BFSP1: variants seen among roughly 807,000 people sequenced by gnomAD.
BFSP1 encodes the protein beaded filament structural protein 1, also known as filensin.
BFSP1 carries 38 observed loss-of-function variants against 43.9 expected under a neutral mutation model. The observed-to-expected ratio is 0.87, with a 90% CI of 0.67 to 1.14. The LOEUF (loss-of-function observed/expected upper bound fraction) is 1.14. BFSP1 is among the 50% of genes most tolerant of loss of function. The pLI, the probability that BFSP1 is intolerant of heterozygous loss-of-function variation, is 0.00. For missense variants in BFSP1, 850 were observed against 875.1 expected (o/e 0.97, Z 0.36); for synonymous variants, 352 against 354.8 (o/e 0.99, Z 0.09).
intron 1 of BFSP1, among the ~76,000 whole-genome samples, chr20:17,566,117 CAAAAAAA>C (rs34133165): frequency 1.1e-5 from 1 of 88,352 alleles, no homozygotes. Context: ...GACTCCGTCT[CAAAAAAA>C]AAAAAAAAAA....
chr20:17,558,754 G>GTGCTGCC, exon 1 of BFSP1: 2 of 1,548,618 alleles, frequency 1.3e-6, no homozygotes, highest in Admixed American at 4.0e-5. Context: ...CATCCAAGGT[G>GTGCTGCC]TGCTGCCTGC....
At chr20:17,511,805 C>T (rs1395676124) in intron 4 of BFSP1, among the ~76,000 whole-genome samples, 171 bp downstream of exon 4, 1 of 152,202 alleles carries the variant, frequency 6.6e-6, no homozygotes, top group Non-Finnish European at 1.5e-5. Context: ...TTGGCATTTA[C>T]AGTACAAGTA....
intron 5 of BFSP1, among the ~76,000 whole-genome samples, chr20:17,506,261 G>A (rs2033934578): frequency 6.6e-6 from 1 of 152,086 alleles, no homozygotes; most frequent in African/African-American, 2.4e-5. Context: ...TCTGGACAAG[G>A]GCCCAGGCTG....
At chr20:17,534,173 A>C (rs1292687217), upstream of BFSP1, among the ~76,000 whole-genome samples, 1 of 152,244 alleles carries the variant, frequency 6.6e-6, no homozygotes, top group East Asian at 1.9e-4. Flanking sequence ...TTGTTAATTC[A>C]AGAGACATGT....
Position 17,530,978 on chromosome 20 carries a change from G to A in BFSP1, c.352C>T (p.Arg118Cys). The change falls in exon 1 of 8, where the codon CGC (arginine) becomes TGC (cysteine). Residue 118 changes from arginine to cysteine, a missense_variant. Transcript: ENST00000377873. ...RLERQGTEAQ[R>C]ALDEFRSKYE... ...TTGCTTCGGAACTCGTCGAGCGCGC[G>A]CTGCGCCTCGGTGCCCTGGCGCTCC... The A allele has an allele frequency of 7.0e-7, 1 of 1,438,094 alleles. No individual in the cohort carries two copies. The highest frequency in any genetic ancestry group is 9.1e-7 in the Non-Finnish European group (1 of 1,099,458). The allele number at this position is 1,438,094 out of a possible 1,614,324, so 89.1% of individuals were successfully genotyped here.
At chr20:17,504,905 G>GT (rs766774406) in intron 5 of BFSP1, among the ~76,000 whole-genome samples, 57 of 125,626 alleles carry the variant, frequency 4.5e-4, no homozygotes, top group Middle Eastern at 5.2e-3. Flanking sequence ...TAGGTGTAAG[G>GT]TTTTTTTTTT....
chr20:17,538,136 GAA>G lies in BFSP1; in HGVS notation c.3-13230_3-13229del, dbSNP rs747087688. On this transcript the variant is annotated intron_variant, in intron 1 of 7. Transcript: ENST00000377868. ...ACTGTGTCTCAAAAGAAAAAAAAAA[GAA>G]AGAGAGAAAGGAAAGGAAAGGAAAG... is the stretch of plus-strand genomic sequence containing the variant. Among the ~76,000 whole-genome samples the G allele has an allele frequency of 8.0e-3, 1,182 of 147,652 alleles. 7 individuals are homozygous for G. Among genetic ancestry groups the G allele is most frequent in the South Asian group, 0.017 (81 of 4,682 alleles).
At chr20:17,534,551 T>A (rs550408066), upstream of BFSP1, among the ~76,000 whole-genome samples, 2 of 152,338 alleles carry the variant, frequency 1.3e-5, no homozygotes, top group East Asian at 3.9e-4. Context: ...ATAACCTGAA[T>A]ATGTAGCCTA....
intron 1 of BFSP1, among the ~76,000 whole-genome samples, chr20:17,539,887 T>A (rs1411571724): frequency 6.6e-6 from 1 of 152,218 alleles, no homozygotes; most frequent in Non-Finnish European, 1.5e-5. Context: ...GAACATGTTC[T>A]ATCTTCCAAA....
At chr20:17,545,167 G>C (rs2034779393) in intron 1 of BFSP1, among the ~76,000 whole-genome samples, 2 of 152,212 alleles carry the variant, frequency 1.3e-5, no homozygotes, top group African/African-American at 4.8e-5. Flanking sequence ...GAGAAAAAGA[G>C]AATTGCCTGA....
At chr20:17,534,101 AG>A (rs1324225765), upstream of BFSP1, among the ~76,000 whole-genome samples, 2 of 152,278 alleles carry the variant, frequency 1.3e-5, no homozygotes, top group Non-Finnish European at 2.9e-5. Context: ...TATCACTGAT[AG>A]GAGACCATTC....
intron 1 of BFSP1, among the ~76,000 whole-genome samples, chr20:17,529,064 AGTGTGTGTGT>A (rs11473581): frequency 6.8e-6 from 1 of 147,098 alleles, no homozygotes; most frequent in Non-Finnish European, 1.5e-5. Flanking sequence ...TGGTTAAATA[AGTGTGTGTGT>A]GTGTGTGTGT....
intron 1 of BFSP1, among the ~76,000 whole-genome samples, chr20:17,536,396 T>C (rs2123550322): frequency 6.6e-6 from 1 of 152,150 alleles, no homozygotes; most frequent in South Asian, 2.1e-4. Context: ...ACAAAAAATA[T>C]AGGCACATGC....
chr20:17,536,500 C>G (rs1440123733), intron 1 of BFSP1, among the ~76,000 whole-genome samples: 3 of 151,976 alleles, frequency 2.0e-5, no homozygotes, highest in Non-Finnish European at 4.4e-5. Flanking sequence ...CCACTGCACT[C>G]CAGTCTAGGT....
intron 1 of BFSP1, among the ~76,000 whole-genome samples, chr20:17,564,991 G>C (rs1174166550): frequency 1.3e-5 from 2 of 150,872 alleles, no homozygotes; most frequent in African/African-American, 4.9e-5. Context: ...GAGTGCAGTG[G>C]TGTGATCTTG....
At chr20:17,515,649 G>A (rs1568693502) in intron 2 of BFSP1, among the ~76,000 whole-genome samples, 1 of 152,198 alleles carries the variant, frequency 6.6e-6, no homozygotes, top group Non-Finnish European at 1.5e-5. Flanking sequence ...TAATAAGATT[G>A]TGCTATGATG....
intron 5 of BFSP1, among the ~76,000 whole-genome samples, chr20:17,503,539 A>G (rs2033855527): frequency 6.6e-6 from 1 of 152,168 alleles, no homozygotes; most frequent in African/African-American, 2.4e-5. Flanking sequence ...CAACCTTATC[A>G]GGGAAGGGCT....
At chr20:17,517,419 G>A in intron 2 of BFSP1, 1 of 688,566 alleles carries the variant, frequency 1.5e-6, no homozygotes, top group Non-Finnish European at 2.6e-6. Flanking sequence ...AAGTAGCTGG[G>A]ACTACAGGTG....
At chr20:17,518,985 CG>C (rs1283691381) in intron 2 of BFSP1, among the ~76,000 whole-genome samples, 1 of 152,150 alleles carries the variant, frequency 6.6e-6, no homozygotes, top group African/African-American at 2.4e-5. Context: ...TTCTCAGCCC[CG>C]GGGATGGGAC....
Sources: gnomAD v4.1 joint callset for allele counts (sites outside exome capture counted in the v4.1 genomes callset) on GRCh38, gnomAD v4.1.1 for gene constraint, MANE v1.5 for transcripts, NCBI Gene and HGNC (gene_info 2026-07-23, HGNC 2026-07-21) for gene names.